The following MED15 variants were observed in gnomAD, a reference collection of about 807,000 sequenced individuals.
The protein encoded by MED15 is mediator complex subunit 15, also known as mediator of RNA polymerase II transcription subunit 15.
MED15 carries 41 observed loss-of-function variants against 118.7 expected under a neutral mutation model. The observed-to-expected ratio is 0.35, with a 90% CI of 0.27 to 0.45. MED15 has a LOEUF of 0.45. MED15 is among the 20% of genes least tolerant of loss of function. The pLI is 1.00. For missense variants in MED15, 740 were observed against 1,025.5 expected, an observed-to-expected ratio of 0.72 and a Z score of 3.80; for synonymous variants, 436 against 413.9, an observed-to-expected ratio of 1.05 and a Z score of -0.65.
chr22:20,535,630 G>T (rs1217804497), intron 1 of MED15, among the ~76,000 whole-genome samples: 1 of 150,608 alleles, frequency 6.6e-6, no homozygotes, highest in Non-Finnish European at 1.5e-5. Flanking sequence ...CGCAATCTCC[G>T]CTCACTGCCA....
intron 4 of MED15, chr22:20,554,487 G>A (rs2055911138): frequency 6.4e-6 from 1 of 155,572 alleles, no homozygotes; most frequent in Non-Finnish European, 1.4e-5. Context: ...CACGAGTGGA[G>A]CTGTGTGTGC....
In MED15 at chr22:20,564,453, A is replaced by G. The variant is rs1185714601; in HGVS notation, c.455A>G (p.Gln152Arg). 1 of 1,613,668 alleles carries G rather than the reference A, an allele frequency of 6.2e-7. No homozygotes were observed. ...GGCGACTCTGGTCTTTTCTCAGCCCAGCTGCAGCTCCAGCAGGTGGCGCTG... is the reference window on the plus strand; with the variant it reads ...GGCGACTCTGGTCTTTTCTCAGCCCGGCTGCAGCTCCAGCAGGTGGCGCTG... The part of the protein sequence containing the change: ...AVVSTATPQT[Q>R]LQLQQVALQQ... Residue 152 changes from glutamine to arginine, a missense_variant, in exon 6 of 18, where the codon CAG (glutamine) becomes CGG (arginine). Physicochemically the swap from Gln to Arg is conservative, Grantham distance 43 (BLOSUM62 1). This residue lies in a region of MED15 where 117 missense variants were observed against 124.6 expected (regional missense o/e 0.94). Coordinates refer to ENST00000263205, the MANE Select transcript of MED15 (RefSeq NM_001003891.3).
At chr22:20,580,303 C>CT in intron 9 of MED15, among the ~76,000 whole-genome samples, 1 of 152,262 alleles carries the variant, frequency 6.6e-6, no homozygotes, top group East Asian at 1.9e-4. Context: ...GATGAGAACT[C>CT]TTGAGTGGCA....
intron 2 of MED15, among the ~76,000 whole-genome samples, chr22:20,539,718 A>C (rs372784729): frequency 6.6e-6 from 1 of 152,032 alleles, no homozygotes; most frequent in South Asian, 2.1e-4. Context: ...TGAGGTTTCA[A>C]TTTCTCCTCA....
chr22:20,532,034 T>A (rs1485998102), intron 1 of MED15, among the ~76,000 whole-genome samples: 1 of 152,196 alleles, frequency 6.6e-6, no homozygotes, highest in East Asian at 1.9e-4. Flanking sequence ...GGCTGCCTGC[T>A]CTGCTGGTGA....
At chr22:20,525,292 CAAAA>C (rs1287566314) in intron 1 of MED15, among the ~76,000 whole-genome samples, 1 of 151,556 alleles carries the variant, frequency 6.6e-6, no homozygotes, top group East Asian at 1.9e-4. Context: ...GTCTCAAAAA[CAAAA>C]GAAAGGTGAA....
At chr22:20,577,514 C>T (rs2056857375) in intron 9 of MED15, among the ~76,000 whole-genome samples, 1 of 151,164 alleles carries the variant, frequency 6.6e-6, no homozygotes, top group Non-Finnish European at 1.5e-5. Context: ...GCTAATAGGT[C>T]TCTCTCTCTC....
intron 1 of MED15, among the ~76,000 whole-genome samples, chr22:20,525,319 TG>T (rs2054594658): frequency 6.9e-6 from 1 of 145,590 alleles, no homozygotes; most frequent in Non-Finnish European, 1.5e-5. Context: ...TGAGTTTTTT[TG>T]TTTTTTTTTT....
intron 9 of MED15, chr22:20,582,360 CCT>C (rs2057011845): frequency 6.8e-6 from 4 of 585,008 alleles, no homozygotes; most frequent in African/African-American, 3.8e-5. Context: ...AGCCTGTGCC[CCT>C]GTGGGTCCCT....
At chr22:20,560,996 A>C (rs1218900822) in intron 5 of MED15, among the ~76,000 whole-genome samples, 1 of 152,202 alleles carries the variant, frequency 6.6e-6, no homozygotes, top group African/African-American at 2.4e-5. Flanking sequence ...GTACATATAA[A>C]ACCTACTTTA....
chr22:20,531,647 C>T (rs1293420707), intron 1 of MED15, among the ~76,000 whole-genome samples: 1 of 152,236 alleles, frequency 6.6e-6, no homozygotes. Flanking sequence ...TTCTGCACGT[C>T]GTGTCCCATC....
At chr22:20,522,388 T>C (rs2054494937) in intron 1 of MED15, among the ~76,000 whole-genome samples, 1 of 152,046 alleles carries the variant, frequency 6.6e-6, no homozygotes, top group Non-Finnish European at 1.5e-5. Context: ...GGCACTCTCG[T>C]TGATTTTGAA....
At chr22:20,515,336 G>A (rs2054211454) in intron 1 of MED15, among the ~76,000 whole-genome samples, 1 of 152,186 alleles carries the variant, frequency 6.6e-6, no homozygotes, top group Admixed American at 6.5e-5. Flanking sequence ...GGCCACTGCT[G>A]CTTAGAGTTA....
At chr22:20,567,221 C>CT (rs1290288260) in intron 7 of MED15, among the ~76,000 whole-genome samples, 6 of 151,828 alleles carry the variant, frequency 4.0e-5, no homozygotes, top group South Asian at 4.2e-4. Flanking sequence ...AAGCAAATAT[C>CT]TTTTTTTTTC....
At chr22:20,515,897 G>T (rs932362722) in intron 1 of MED15, among the ~76,000 whole-genome samples, 1 of 152,162 alleles carries the variant, frequency 6.6e-6, no homozygotes, top group Non-Finnish European at 1.5e-5. Context: ...CAGCTACTTG[G>T]GAGGCTGAGG....
chr22:20,575,399 C>T (rs1355516157), intron 9 of MED15, among the ~76,000 whole-genome samples, 167 bp downstream of exon 9: 1 of 151,454 alleles, frequency 6.6e-6, no homozygotes, highest in Non-Finnish European at 1.5e-5. Context: ...AAGCCAAGCC[C>T]AGCTTGTGCT....
chr22:20,546,505 T>G (rs973687087), intron 2 of MED15, among the ~76,000 whole-genome samples: 2 of 148,854 alleles, frequency 1.3e-5, no homozygotes, highest in South Asian at 2.1e-4. Flanking sequence ...ACATGGAGTT[T>G]TTTTTGTTTT....
At position 20,523,722 on chromosome 22, in the gene MED15, C is replaced by G. The variant is rs994874138; in HGVS notation, c.69-13395C>G. Reference sequence around the variant, plus strand: ...CAGGCCAGCACCAGGACAGAGATCTCGAGGCCTTTCCAACTCTGCTGGTTC... The same window carrying G: ...CAGGCCAGCACCAGGACAGAGATCTGGAGGCCTTTCCAACTCTGCTGGTTC... On this transcript the variant is annotated intron_variant, in intron 1 of 17. Coordinates refer to ENST00000263205, the MANE Select transcript of MED15 (RefSeq NM_001003891.3). 1.4e-5 allele frequency: 14 copies of G among 985,412 alleles called. No homozygotes were observed. The African/African-American group carries it at 2.3e-4, about 16-fold the overall frequency. 61.0% of individuals were successfully genotyped at this position (985,412 alleles called of 1,614,324 possible). A position where few individuals can be genotyped will look rare whatever the true frequency, so the allele number is the denominator to read the frequency against.
Position 20,566,526 on chromosome 22 carries a change from A to ACAACAGCAG in MED15, c.752_753insACAGCAGCA (p.Gln260_Gln262dup). 1 of 1,601,430 alleles carries ACAACAGCAG rather than the reference A, an allele frequency of 6.2e-7. No homozygotes were observed. On this transcript the variant is annotated inframe_insertion, in exon 7 of 18. Coordinates refer to ENST00000263205, the MANE Select transcript of MED15 (RefSeq NM_001003891.3). Reference sequence around the variant, plus strand: ...CACAGCTGCAGCTCCAACAACAGCAACAGCAGCAGCAGCAGCAGCAGCAGC... The same window carrying ACAACAGCAG: ...CACAGCTGCAGCTCCAACAACAGCAACAACAGCAGCAGCAGCAGCAGCAGCAGCAGCAGC...
Sources: gnomAD v4.1 joint callset for allele counts (sites outside exome capture counted in the v4.1 genomes callset) on GRCh38, gnomAD v4.1.1 for gene constraint, gnomAD v4.1.1 regional missense constraint, MANE v1.5 for transcripts, NCBI Gene and HGNC (gene_info 2026-07-23, HGNC 2026-07-21) for gene names.